Variants in KNTC1 observed in about 807,000 individuals in gnomAD.
The protein encoded by KNTC1 is kinetochore-associated protein 1.
KNTC1 carries 253 observed loss-of-function variants against 314.4 expected under a neutral mutation model. That is an observed-to-expected ratio of 0.80 (90% CI 0.73 to 0.89). KNTC1 has a LOEUF of 0.89. KNTC1 is among the 40% of genes least tolerant of loss of function. The pLI, the probability that KNTC1 is intolerant of heterozygous loss-of-function variation, is 0.00. For missense variants in KNTC1, 2,475 were observed against 2,572.9 expected (o/e 0.96, Z 0.82); for synonymous variants, 901 against 901.4 (o/e 1.00, Z 0.01).
intron 1 of KNTC1, among the ~76,000 whole-genome samples, chr12:122,529,194 T>A (rs1961101180): frequency 1.3e-5 from 2 of 152,112 alleles, no homozygotes; most frequent in Non-Finnish European, 2.9e-5. Context: ...ACAGAAAGAT[T>A]AAGTGATCAC....
At chr12:122,588,580 G>T in intron 39 of KNTC1, 132 bp from the exon 40 acceptor site, 1 of 644,360 alleles carries the variant, frequency 1.6e-6, no homozygotes, top group Non-Finnish European at 2.4e-6. Flanking sequence ...CCCCTTTCTA[G>T]CACTATAGGT....
chr12:122,584,831 T>G (rs1868996980), intron 35 of KNTC1, 62 bp from the exon 36 acceptor site: 2 of 847,768 alleles, frequency 2.4e-6, no homozygotes, highest in Non-Finnish European at 3.8e-6. Context: ...ATTAAAAGGT[T>G]GTTTTCATTA....
chr12:122,618,294 T>C, intron 57 of KNTC1, 49 bp from the exon 58 acceptor site: 1 of 1,558,614 alleles, frequency 6.4e-7, no homozygotes, highest in South Asian at 1.1e-5. Context: ...TAAAGAGAGT[T>C]TGTAATATCC....
chr12:122,557,414 T>C lies in KNTC1; in HGVS notation c.1303T>C (p.Leu435=). Residue 435 remains leucine, a synonymous_variant, in exon 17 of 64, where the codon TTG becomes CTG. Coordinates refer to ENST00000333479, the MANE Select transcript of KNTC1 (RefSeq NM_014708.6). The stretch of plus-strand genomic sequence containing the variant: ...TTACAAGGTCAAGTCAAATCATATA[T>C]TGGAGAAACTGGCATTGAGTTCTGT... ...LVYKVKSNHI[L]EKLALSSVDA... is the part of the protein sequence containing the mutation. The C allele has an allele frequency of 3.7e-6, 6 of 1,613,722 alleles. No homozygotes were observed. The highest frequency in any genetic ancestry group is 1.6e-4 in the Middle Eastern group (1 of 6,062).
rs374836438 is a variant in KNTC1 at position 122,598,018 on chromosome 12, G to A, written c.4563+80G>A. ...TAATTAGATACATTAGTAACAAATT[G>A]GATGTATAAGTCTATATTTTTATCA... On this transcript the variant is annotated intron_variant, in intron 44 of 63. Transcript: ENST00000333479. 25 of 992,016 alleles carry A rather than the reference G, an allele frequency of 2.5e-5. No individual in the cohort carries two copies. The East Asian group carries it at 2.7e-4, about 11-fold the overall frequency. 61.5% of individuals were successfully genotyped at this position (992,016 alleles called of 1,614,324 possible).
intron 1 of KNTC1, among the ~76,000 whole-genome samples, chr12:122,529,395 C>T (rs1961116899): frequency 6.6e-6 from 1 of 152,072 alleles, no homozygotes; most frequent in Non-Finnish European, 1.5e-5. Context: ...CTTTTCCCAC[C>T]CAGACTCCAG....
chr12:122,528,354 T>C (rs1039498183), intron 1 of KNTC1, among the ~76,000 whole-genome samples: 2 of 152,226 alleles, frequency 1.3e-5, no homozygotes, highest in South Asian at 2.1e-4. Context: ...TCTTTAAACA[T>C]TTATAAAACT....
At chr12:122,603,440 G>C (rs1872205692) in intron 48 of KNTC1, among the ~76,000 whole-genome samples, 197 bp downstream of exon 48, 2 of 152,074 alleles carry the variant, frequency 1.3e-5, no homozygotes, top group Non-Finnish European at 2.9e-5. Context: ...GCCGCCTTTG[G>C]GGTGTGACCT....
At chr12:122,569,880 G>A (rs1964577862) in intron 22 of KNTC1, 56 bp downstream of exon 22, 1 of 1,511,514 alleles carries the variant, frequency 6.6e-7, no homozygotes, top group Admixed American at 1.9e-5. Flanking sequence ...TTTTACATTA[G>A]ATCATTGAGA....
At chr12:122,602,380 A>G (rs1872041573) in intron 45 of KNTC1, 189 bp from the exon 46 acceptor site, 4 of 467,378 alleles carry the variant, frequency 8.6e-6, no homozygotes, top group Non-Finnish European at 1.5e-5. Flanking sequence ...GGATTCCTTT[A>G]ATCATTGTAT....
intron 2 of KNTC1, among the ~76,000 whole-genome samples, chr12:122,532,100 A>G (rs1159314242): frequency 7.0e-6 from 1 of 142,606 alleles, no homozygotes; most frequent in Non-Finnish European, 1.5e-5. Context: ...GTGATGTGAT[A>G]TTGACTCATT....
chr12:122,566,651 C>G (rs1461727737), intron 20 of KNTC1, among the ~76,000 whole-genome samples: 2 of 151,912 alleles, frequency 1.3e-5, no homozygotes, highest in Non-Finnish European at 2.9e-5. Flanking sequence ...CTCAAGTGAT[C>G]TGCCCGCCTT....
intron 63 of KNTC1, among the ~76,000 whole-genome samples, chr12:122,625,109 A>G (rs954933163): frequency 1.3e-5 from 2 of 152,186 alleles, no homozygotes; most frequent in African/African-American, 2.4e-5. Flanking sequence ...TCACTGCAGA[A>G]AAAAAAGAAG....
chr12:122,530,743 T>TC (rs1308811953), intron 2 of KNTC1, among the ~76,000 whole-genome samples: 3 of 151,990 alleles, frequency 2.0e-5, no homozygotes, highest in Non-Finnish European at 4.4e-5. Context: ...GAGCCATCAC[T>TC]CCCGGCATAC....
chr12:122,538,192 C>T (rs549547384), intron 3 of KNTC1, 147 bp from the exon 4 acceptor site: 2 of 585,634 alleles, frequency 3.4e-6, no homozygotes, highest in Non-Finnish European at 6.1e-6. Context: ...CAACAACATT[C>T]TTTTTTACTT....
chr12:122,577,100 C>CCCTGTCTCAAAA, intron 30 of KNTC1, 71 bp downstream of exon 30: 2 of 1,233,978 alleles, frequency 1.6e-6, no homozygotes, highest in Non-Finnish European at 2.2e-6. Flanking sequence ...TTTTTTGAGA[C>CCCTGTCTCAAAA]AGGGTCTCGC....
intron 39 of KNTC1, 56 bp from the exon 40 acceptor site, chr12:122,588,656 T>A (rs965039745): frequency 1.6e-6 from 2 of 1,235,156 alleles, no homozygotes; most frequent in Non-Finnish European, 2.1e-6. Flanking sequence ...TTTGAAAAAA[T>A]TTTCAGAATG....
Position 122,571,041 on chromosome 12 carries a change from A to G in KNTC1, c.1934A>G (p.Asn645Ser), listed in dbSNP as rs1964648154. ...ELTDKANWPENGLQLAEIFFT... is the reference protein window; with the variant it reads ...ELTDKANWPESGLQLAEIFFT... ...TTTTTAAAGGCAAATTGGCCAGAAA[A>G]TGGACTTCAATTGGCAGAGATATTT... is the stretch of plus-strand genomic sequence containing the variant. Residue 645 changes from asparagine (N) to serine (S), a missense_variant, in exon 24 of 64, where the codon AAT becomes AGT. By Grantham distance (46) the Asn-to-Ser change is conservative (BLOSUM62 1). Transcript: ENST00000333479. 1 of 1,613,518 alleles carries G rather than the reference A, an allele frequency of 6.2e-7. No homozygotes were observed. The highest frequency in any genetic ancestry group is 2.2e-5 in the East Asian group (1 of 44,836).
chr12:122,538,124 C>G (rs564075224), intron 3 of KNTC1, among the ~76,000 whole-genome samples: 1 of 152,196 alleles, frequency 6.6e-6, no homozygotes, highest in South Asian at 2.1e-4. Context: ...GGTAGCAGAG[C>G]GAGACGCTGT....
Sources: gnomAD v4.1 joint callset for allele counts (sites outside exome capture counted in the v4.1 genomes callset) on GRCh38, gnomAD v4.1.1 for gene constraint, MANE v1.5 for transcripts, NCBI Gene and HGNC (gene_info 2026-07-23, HGNC 2026-07-21) for gene names.